CSMD1: variants seen among roughly 807,000 people sequenced by gnomAD.
CSMD1 encodes the protein CUB and sushi domain-containing protein 1.
CSMD1 carries 213 observed loss-of-function variants against 417.5 expected under a neutral mutation model. That is an observed-to-expected ratio of 0.51 (90% confidence interval 0.46 to 0.57). CSMD1 has a LOEUF of 0.57. Among genes scored for constraint, CSMD1 ranks in the 20% least tolerant of loss-of-function variants. CSMD1 has a pLI of 0.00. For synonymous variants in CSMD1, 2,862 were observed against 1,736.8 expected (o/e 1.65, Z -16.11); for missense variants, 6,923 against 4,529.7 (o/e 1.53, Z -15.17).
At chr8:4,544,337 G>T (rs68167396) in intron 2 of CSMD1, among the ~76,000 whole-genome samples, 38,391 of 151,830 alleles carry the variant, frequency 0.25, 5,466 homozygotes, top group South Asian at 0.36. Context: ...AATTTTGGTA[G>T]GTAGATGTCC....
chr8:4,935,833 A>C (rs1807579823), intron 1 of CSMD1, among the ~76,000 whole-genome samples: 1 of 152,246 alleles, frequency 6.6e-6, no homozygotes, highest in African/African-American at 2.4e-5. Context: ...CCTGCTGTTT[A>C]CCAAAAGCAG....
chr8:4,247,561 C>T (rs769718250), intron 3 of CSMD1, among the ~76,000 whole-genome samples: 18 of 152,122 alleles, frequency 1.2e-4, no homozygotes, highest in Non-Finnish European at 2.2e-4. Context: ...TTTAAGAATT[C>T]CGCATAATAC....
intron 5 of CSMD1, among the ~76,000 whole-genome samples, chr8:3,828,459 C>A (rs549424814): frequency 5.3e-4 from 80 of 152,230 alleles, no homozygotes; most frequent in African/African-American, 1.2e-3. Context: ...TATATAAAAA[C>A]CCATGTGAAT....
chr8:4,220,733 G>A (rs550532961), intron 3 of CSMD1, among the ~76,000 whole-genome samples: 1 of 152,336 alleles, frequency 6.6e-6, no homozygotes, highest in East Asian at 1.9e-4. Context: ...CACTAGCTGG[G>A]ATGAGAAAGA....
chr8:4,932,806 C>A (rs35381683), intron 1 of CSMD1, among the ~76,000 whole-genome samples: 47,222 of 152,052 alleles, frequency 0.31, 8,279 homozygotes, highest in Non-Finnish European at 0.4. Context: ...AGAGTTTTAC[C>A]CCTTCCCTGT....
At position 3,468,836 on chromosome 8, in the gene CSMD1, A is replaced by C. The variant is rs74924522; in HGVS notation, c.1449-12T>G. ...TGGATCCCGTGAGCCTGCAAGAAAG[A>C]GAAATGTCAAAGCTTTTAGGTAAGG... On this transcript the variant is annotated splice_polypyrimidine_tract_variant and intron_variant, in intron 11 of 69. Coordinates refer to ENST00000635120, the MANE Select transcript of CSMD1 (RefSeq NM_033225.6). 3.5e-3 allele frequency: 5,400 copies of C among 1,558,886 alleles called. 184 individuals are homozygous for C. The African/African-American group carries it at 0.066, about 19-fold the overall frequency.
chr8:4,751,983 T>C (rs948030647), intron 1 of CSMD1, among the ~76,000 whole-genome samples: 3 of 152,224 alleles, frequency 2.0e-5, no homozygotes, highest in Admixed American at 2.0e-4. Context: ...TACACGACTG[T>C]ATATATGCGT....
chr8:4,804,852 C>A (rs183716802), intron 1 of CSMD1, among the ~76,000 whole-genome samples: 1 of 152,198 alleles, frequency 6.6e-6, no homozygotes, highest in Non-Finnish European at 1.5e-5. Flanking sequence ...ACAGACATGG[C>A]TCATTGTCTA....
In CSMD1 at chr8:4,842,753, G is replaced by T. The variant is rs141078244; in HGVS notation, c.85+151579C>A. Among the ~76,000 whole-genome samples the T allele has an allele frequency of 9.0e-3, 1,378 of 152,294 alleles. 20 individuals carry two copies. The highest frequency in any genetic ancestry group is 0.031 in the African/African-American group (1,285 of 41,560). ...TTTTTGAATGTTATTTATTATGCTAGCATTGAAAAGCAGAAATTAATAGTC... is the reference window on the plus strand; with the variant it reads ...TTTTTGAATGTTATTTATTATGCTATCATTGAAAAGCAGAAATTAATAGTC... On this transcript the variant is annotated intron_variant, in intron 1 of 69. Transcript: ENST00000635120.
chr8:4,345,284 G>C (rs565376310), intron 3 of CSMD1, among the ~76,000 whole-genome samples: 1 of 152,088 alleles, frequency 6.6e-6, no homozygotes, highest in Admixed American at 6.6e-5. Flanking sequence ...CTTTCTATGA[G>C]GATTAACGAT....
chr8:3,998,100 G>C lies in CSMD1; in HGVS notation c.621C>G (p.Ala207=). ...TGGTCCCGCGTAAGGTTCCTCCGCA[G>C]GCTCCCTCAGCTGCAGGGGCAAAAG... The part of the protein sequence containing the change: ...FPAPFCRAEG[A]CGGTLRGTSS... The change falls in exon 5 of 70, where the codon GCC becomes GCG. Residue 207 remains alanine, a synonymous_variant. Transcript: ENST00000635120. The C allele has an allele frequency of 4.5e-6, 7 of 1,568,424 alleles. No individual in the cohort carries two copies. Among genetic ancestry groups the C allele is most frequent in the Non-Finnish European group, 5.2e-6 (6 of 1,155,732 alleles).
At chr8:4,800,913 C>T (rs56138441) in intron 1 of CSMD1, among the ~76,000 whole-genome samples, 18,561 of 152,280 alleles carry the variant, frequency 0.12, 1,463 homozygotes, top group Non-Finnish European at 0.17. Context: ...ATCACAGATT[C>T]TGTAATATCG....
chr8:3,655,714 A>C (rs1462637274), intron 7 of CSMD1, among the ~76,000 whole-genome samples: 1 of 151,284 alleles, frequency 6.6e-6, no homozygotes, highest in Non-Finnish European at 1.5e-5. Context: ...ACCCATTCTA[A>C]ATGATTTATA....
At chr8:4,329,239 T>A (rs1280465207) in intron 3 of CSMD1, among the ~76,000 whole-genome samples, 1 of 152,170 alleles carries the variant, frequency 6.6e-6, no homozygotes, top group Non-Finnish European at 1.5e-5. Context: ...AGTGTTGACA[T>A]ATGCACAGAA....
intron 3 of CSMD1, among the ~76,000 whole-genome samples, chr8:4,181,474 A>T (rs984576453): frequency 6.6e-6 from 1 of 152,062 alleles, no homozygotes; most frequent in African/African-American, 2.4e-5. Context: ...AAATACACTA[A>T]CACTAACGAT....
intron 7 of CSMD1, among the ~76,000 whole-genome samples, chr8:3,653,589 G>A (rs935906622): frequency 6.6e-6 from 1 of 152,168 alleles, no homozygotes; most frequent in African/African-American, 2.4e-5. Context: ...GATTTCAGGT[G>A]TGAGCCACCC....
intron 1 of CSMD1, among the ~76,000 whole-genome samples, chr8:4,871,933 C>G (rs771611756): frequency 6.6e-6 from 1 of 151,986 alleles, no homozygotes; most frequent in African/African-American, 2.4e-5. Flanking sequence ...TTTCATTTAC[C>G]CACTATCTCT....
intron 3 of CSMD1, among the ~76,000 whole-genome samples, chr8:4,285,592 G>A (rs1797016969): frequency 6.6e-6 from 1 of 152,206 alleles, no homozygotes. Flanking sequence ...GGACCAGGCA[G>A]CTGGGAAATT....
intron 3 of CSMD1, among the ~76,000 whole-genome samples, chr8:4,416,624 A>G (rs1402680733): frequency 6.6e-6 from 1 of 152,056 alleles, no homozygotes; most frequent in Non-Finnish European, 1.5e-5. Flanking sequence ...TTAAAATCTA[A>G]AGAGAAAAAT....
Sources: gnomAD v4.1 joint callset for allele counts (sites outside exome capture counted in the v4.1 genomes callset) on GRCh38, gnomAD v4.1.1 for gene constraint, MANE v1.5 for transcripts, NCBI Gene and HGNC (gene_info 2026-07-23, HGNC 2026-07-21) for gene names.